The following VPS13A variants were observed in gnomAD, a reference collection of about 807,000 sequenced individuals.
The protein encoded by VPS13A is vacuolar protein sorting 13 homolog A.
VPS13A carries 264 observed loss-of-function variants against 390.9 expected under a neutral mutation model. The ratio of observed to expected loss-of-function variants is 0.68; its 90% confidence interval spans 0.61 to 0.75. The LOEUF is 0.75. Ranked by LOEUF, VPS13A falls within the 30% of genes least tolerant of loss-of-function variation. The pLI is 0.00. For missense variants in VPS13A, 3,409 were observed against 3,733.9 expected, an observed-to-expected ratio of 0.91 and a Z score of 2.27; for synonymous variants, 1,231 against 1,227.1, an observed-to-expected ratio of 1.00 and a Z score of -0.07.
chr9:77,207,349 G>A (rs187098069), intron 5 of VPS13A, among the ~76,000 whole-genome samples: 91 of 145,568 alleles, frequency 6.3e-4, no homozygotes, highest in African/African-American at 2.1e-3. Flanking sequence ...AACTCATCTC[G>A]TGTTTCATTG....
chr9:77,383,096 T>C, intron 68 of VPS13A: 13 of 905,820 alleles, frequency 1.4e-5, no homozygotes, highest in Non-Finnish European at 1.7e-5. Flanking sequence ...CTTTAATATT[T>C]TAAATATTGT....
chr9:77,271,053 T>C (rs1289000801), intron 23 of VPS13A, among the ~76,000 whole-genome samples: 2 of 152,168 alleles, frequency 1.3e-5, no homozygotes, highest in Non-Finnish European at 2.9e-5. Context: ...TTGGAAGACA[T>C]TGTTAAAAAA....
chr9:77,213,006 A>T lies in VPS13A; in HGVS notation c.593A>T (p.Glu198Val). Residue 198 changes from glutamate (E) to valine (V), a missense_variant, in exon 8 of 72, where the codon GAA (glutamate) becomes GTA (valine). Transcript: ENST00000360280. ...DQYWVPCLHD[E>V]TEKLVRKLIR... ...TACTGGGTTCCATGTTTACATGATG[A>T]AACTGAGAAACTGGTTCGTAAGGTA... 9.9e-6 allele frequency: 16 copies of T among 1,613,966 alleles called. No homozygotes were observed. Among genetic ancestry groups the T allele is most frequent in the Non-Finnish European group, 1.4e-5 (16 of 1,179,962 alleles).
rs1421792038 is a variant in VPS13A, at chr9:77,316,235, G to C, written c.4692G>C (p.Val1564=). The change falls in exon 39 of 72, where the codon GTG becomes GTC. Residue 1564 remains valine, a synonymous_variant. Transcript: ENST00000360280. ...INVIIKNPEI[V]FVADMTKNDA... Reference sequence around the variant, plus strand: ...TTATTATTAAAAATCCTGAAATTGTGTTTGTAGCTGACATGACAAAAAATG... The same window carrying C: ...TTATTATTAAAAATCCTGAAATTGTCTTTGTAGCTGACATGACAAAAAATG... The C allele has an allele frequency of 6.2e-7, 1 of 1,613,080 alleles. No individual in the cohort carries two copies. The highest frequency in any genetic ancestry group is 2.2e-5 in the East Asian group (1 of 44,818).
intron 56 of VPS13A, 71 bp from the exon 57 acceptor site, chr9:77,358,286 T>C: frequency 7.4e-7 from 1 of 1,345,218 alleles, no homozygotes; most frequent in East Asian, 2.3e-5. Context: ...TTTTTGTTCC[T>C]CAAATCCTGT....
chr9:77,362,443 A>G (rs1050513859), intron 59 of VPS13A, among the ~76,000 whole-genome samples: 8 of 152,204 alleles, frequency 5.3e-5, no homozygotes, highest in South Asian at 4.1e-4. Flanking sequence ...AAAATCAGTT[A>G]ACAACACACA....
At chr9:77,257,069 C>T (rs1363948446) in intron 22 of VPS13A, among the ~76,000 whole-genome samples, 1 of 151,088 alleles carries the variant, frequency 6.6e-6, no homozygotes, top group Non-Finnish European at 1.5e-5. Context: ...TTTTTTGATC[C>T]CTCATTTCCT....
At chr9:77,336,554 A>G (rs1023705450) in intron 46 of VPS13A, among the ~76,000 whole-genome samples, 41 of 152,082 alleles carry the variant, frequency 2.7e-4, no homozygotes, top group African/African-American at 9.2e-4. Context: ...GAATTCAGTC[A>G]TGGCATTTAT....
intron 56 of VPS13A, 34 bp downstream of exon 56, chr9:77,357,872 T>G (rs762805387): frequency 1.3e-6 from 2 of 1,595,012 alleles, no homozygotes; most frequent in Non-Finnish European, 1.7e-6. Context: ...CAAAATTGTA[T>G]TCTAAAGGAA....
intron 13 of VPS13A, among the ~76,000 whole-genome samples, chr9:77,224,048 A>G (rs1269468808): frequency 6.6e-6 from 1 of 152,176 alleles, no homozygotes; most frequent in Non-Finnish European, 1.5e-5. Context: ...GCTATGCTCT[A>G]TACACGGAAC....
rs202081207 is a variant in VPS13A, at chr9:77,340,303, T to C, written c.6879+21T>C. 42 of 1,607,850 alleles carry C rather than the reference T, an allele frequency of 2.6e-5. No homozygotes were observed. In the Middle Eastern group the frequency reaches 7.0e-4, roughly 27 times the overall value. On this transcript the variant is annotated intron_variant, in intron 49 of 71. Transcript: ENST00000360280. ...ATCAAGTGAGTTCATTCTATGCTTATCAAGAAACTTTTATTTTAAATGTTT... is the reference window on the plus strand; with the variant it reads ...ATCAAGTGAGTTCATTCTATGCTTACCAAGAAACTTTTATTTTAAATGTTT...
chr9:77,212,074 T>C (rs1260442400), intron 7 of VPS13A, among the ~76,000 whole-genome samples: 1 of 152,212 alleles, frequency 6.6e-6, no homozygotes, highest in Admixed American at 6.5e-5. Context: ...TCCTAATGCA[T>C]GCTAAACTTT....
In VPS13A at chr9:77,420,973, G is replaced by T. The variant is rs1835321423; in HGVS notation, c.*4967G>T. 6.6e-6 allele frequency: 1 copy of T among 152,268 alleles called. No individual in the cohort carries two copies. The highest frequency in any genetic ancestry group is 1.9e-4 in the East Asian group (1 of 5,180). The allele number at this position is 152,268 out of a possible 1,614,324, so 9.4% of individuals were successfully genotyped here. On this transcript the variant is annotated 3_prime_UTR_variant, in exon 72 of 72. Transcript: ENST00000360280. The stretch of plus-strand genomic sequence containing the variant: ...ATATCCACACAAACTATTAGGAATG[G>T]TATCTGGAACTTGTTACAAGGTCAG...
In VPS13A at chr9:77,250,235, T is replaced by A. The variant is rs1427096377; in HGVS notation, c.2170+6T>A. 6.2e-7 allele frequency: 1 copy of A among 1,612,792 alleles called. No individual in the cohort carries two copies. Among genetic ancestry groups the A allele is most frequent in the African/African-American group, 1.3e-5 (1 of 74,926 alleles). On this transcript the variant is annotated splice_donor_region_variant and intron_variant, in intron 21 of 71. Coordinates refer to ENST00000360280, the MANE Select transcript of VPS13A (RefSeq NM_033305.3). ...GCTGCTTTACAGTAGAGTTGGTGAG[T>A]ATAAAATGCATTATTTGTTGATTGA... is the stretch of plus-strand genomic sequence containing the variant.
chr9:77,196,290 G>C (rs772253242), intron 1 of VPS13A, among the ~76,000 whole-genome samples: 6 of 152,112 alleles, frequency 3.9e-5, no homozygotes, highest in Non-Finnish European at 8.8e-5. Flanking sequence ...TTGGTATTTA[G>C]AATATCCATC....
chr9:77,199,864 T>C, intron 1 of VPS13A, 81 bp from the exon 2 acceptor site: 2 of 1,144,872 alleles, frequency 1.7e-6, no homozygotes, highest in South Asian at 1.4e-5. Context: ...TTCCTGATTA[T>C]GACAGGAATG....
intron 31 of VPS13A, among the ~76,000 whole-genome samples, chr9:77,290,810 G>C (rs1827608238): frequency 6.6e-6 from 1 of 151,622 alleles, no homozygotes; most frequent in Admixed American, 6.6e-5. Context: ...CATTTTCTCT[G>C]CTATAATAAT....
intron 9 of VPS13A, among the ~76,000 whole-genome samples, chr9:77,213,628 G>C (rs1826096723): frequency 6.6e-6 from 1 of 151,642 alleles, no homozygotes; most frequent in Non-Finnish European, 1.5e-5. Context: ...AGCCTCTTGA[G>C]TAGCGAGGAC....
At chr9:77,340,004 G>T in intron 48 of VPS13A, 93 bp downstream of exon 48, 1 of 1,488,618 alleles carries the variant, frequency 6.7e-7, no homozygotes, top group Non-Finnish European at 9.1e-7. Flanking sequence ...ATGAAACTTG[G>T]ATAGAAATAA....
Sources: allele counts gnomAD v4.1 joint callset (sites outside exome capture counted in the v4.1 genomes callset), GRCh38; gene constraint gnomAD v4.1.1; transcripts MANE v1.5; gene names NCBI Gene and HGNC (gene_info 2026-07-23, HGNC 2026-07-21).